Variants in ZFHX3 observed in about 807,000 individuals in gnomAD.
ZFHX3 encodes zinc finger homeobox 3, also known as zinc finger homeobox protein 3.
ZFHX3 carries 42 observed loss-of-function variants against 279.1 expected under a neutral mutation model. The ratio of observed to expected loss-of-function variants is 0.15; its 90% CI spans 0.12 to 0.19. The LOEUF (loss-of-function observed/expected upper bound fraction) is 0.19, where lower values mean the gene tolerates loss of function less well. Among genes scored for constraint, ZFHX3 ranks in the 10% least tolerant of loss-of-function variants. The pLI, the probability that ZFHX3 is intolerant of heterozygous loss-of-function variation, is 1.00. For missense variants in ZFHX3, 4,981 were observed against 4,754.0 expected, an observed-to-expected ratio of 1.05 and a Z score of -1.40; for synonymous variants, 2,293 against 1,957.8, an observed-to-expected ratio of 1.17 and a Z score of -4.52.
chr16:73,054,401 C>G lies in ZFHX3; in HGVS notation c.-24+4129G>C, dbSNP rs370730584. Among the ~76,000 whole-genome samples the G allele has an allele frequency of 2.9e-3, 437 of 149,756 alleles. 3 individuals are homozygous for G. The highest frequency in any genetic ancestry group is 0.017 in the Middle Eastern group (5 of 292). Reference sequence around the variant, plus strand: ...CCCTACTTTCTGACGTGCAATCAACCCTCCATCCCGATACAGGAGGTCGGT... The same window carrying G: ...CCCTACTTTCTGACGTGCAATCAACGCTCCATCCCGATACAGGAGGTCGGT... On this transcript the variant is annotated intron_variant, in intron 1 of 8. Transcript: ENST00000397992.
chr16:72,788,978 C>T (rs2035586162), intron 9 of ZFHX3, 130 bp from the exon 10 acceptor site: 1 of 1,351,018 alleles, frequency 7.4e-7, no homozygotes, highest in South Asian at 1.8e-5. Flanking sequence ...TCAAAACGAA[C>T]ATTTCCAACA....
At chr16:73,387,151 G>T (rs569605140) in intron 3 of ZFHX3, 1 of 152,128 alleles carries the variant, frequency 6.6e-6, no homozygotes, top group South Asian at 2.1e-4. Context: ...CTGCTTCCAC[G>T]CTACACTAAA....
chr16:73,302,394 C>G (rs960113536), intron 4 of ZFHX3, among the ~76,000 whole-genome samples: 2 of 152,150 alleles, frequency 1.3e-5, no homozygotes, highest in East Asian at 3.9e-4. Flanking sequence ...TCTCAAATTG[C>G]CCCCAGAGCC....
intron 3 of ZFHX3, among the ~76,000 whole-genome samples, chr16:73,370,565 C>T (rs191525427): frequency 2.9e-4 from 44 of 152,264 alleles, no homozygotes; most frequent in African/African-American, 1.0e-3. Context: ...AGCCCGTGTG[C>T]TAACCCCATA....
At chr16:73,761,839 G>T (rs2053870922) in intron 1 of ZFHX3, among the ~76,000 whole-genome samples, 1 of 151,880 alleles carries the variant, frequency 6.6e-6, no homozygotes, top group Non-Finnish European at 1.5e-5. Context: ...AACTCAAGAT[G>T]GATTAAAGAC....
chr16:73,059,116 C>T (rs1288794340), exon 1 of ZFHX3: 1 of 151,616 alleles, frequency 6.6e-6, no homozygotes, highest in East Asian at 1.9e-4. Context: ...CTTCATTACC[C>T]AGGCACGACG....
chr16:73,518,601 T>A (rs8046139), intron 2 of ZFHX3, among the ~76,000 whole-genome samples: 3 of 152,060 alleles, frequency 2.0e-5, no homozygotes, highest in Admixed American at 2.0e-4. Flanking sequence ...ATTTAACCAC[T>A]ATGCAGACAC....
intron 1 of ZFHX3, among the ~76,000 whole-genome samples, chr16:72,998,743 G>T (rs1167705359): frequency 6.6e-6 from 1 of 152,314 alleles, no homozygotes; most frequent in South Asian, 2.1e-4. Flanking sequence ...AGACTTTACA[G>T]AACTTACCGC....
At chr16:73,496,599 C>T (rs1212543744) in intron 2 of ZFHX3, among the ~76,000 whole-genome samples, 2 of 152,168 alleles carry the variant, frequency 1.3e-5, no homozygotes, top group Non-Finnish European at 2.9e-5. Context: ...GGAAGGTTTG[C>T]TCTTCACCAA....
chr16:72,934,113 C>T (rs888513998), intron 3 of ZFHX3, among the ~76,000 whole-genome samples: 7 of 152,170 alleles, frequency 4.6e-5, no homozygotes, highest in Non-Finnish European at 8.8e-5. Context: ...CCACCACGCC[C>T]GGCCACAGCT....
chr16:73,207,019 AAAATAAAT>A (rs71156149), intron 5 of ZFHX3, among the ~76,000 whole-genome samples: 123,034 of 145,608 alleles, frequency 0.84, 52,290 homozygotes, highest in Middle Eastern at 0.94. Context: ...ATCCATCTCA[AAAATAAAT>A]AAATAAATAA....
chr16:72,945,638 A>G (rs1292863798), intron 3 of ZFHX3, among the ~76,000 whole-genome samples: 1 of 152,118 alleles, frequency 6.6e-6, no homozygotes, highest in East Asian at 1.9e-4. Flanking sequence ...AGGTAGGGAG[A>G]GAAGGTGGCA....
rs1241757313 is a variant in ZFHX3, at chr16:73,286,844, C to A, written c.-1193-29708G>T. 4.9e-5 allele frequency among the ~76,000 whole-genome samples: 3 copies of A among 61,846 alleles called. No homozygotes were observed. The South Asian group carries it at 1.8e-3, about 36-fold the overall frequency. 40.6% of individuals were successfully genotyped at this position (61,846 alleles called of 152,430 possible). The stretch of plus-strand genomic sequence containing the variant: ...GTGGGTCGGTGTGTGGCTGGTGAGT[C>A]GGTGTGTGGGTGTGTGGTTGTGTGG... On this transcript the variant is annotated intron_variant, in intron 4 of 17. Transcript: ENST00000641206.
At chr16:73,153,939 C>T (rs2144848771) in intron 5 of ZFHX3, among the ~76,000 whole-genome samples, 1 of 152,094 alleles carries the variant, frequency 6.6e-6, no homozygotes, top group African/African-American at 2.4e-5. Flanking sequence ...CTCTTGACCT[C>T]ATGATCCGCC....
intron 1 of ZFHX3, among the ~76,000 whole-genome samples, chr16:73,812,924 TTACC>T (rs1960463909): frequency 6.6e-6 from 1 of 152,174 alleles, no homozygotes; most frequent in African/African-American, 2.4e-5. Context: ...ATGATAATAC[TTACC>T]TACTTCTCAC....
At chr16:73,878,023 T>C (rs966312330) in intron 1 of ZFHX3, among the ~76,000 whole-genome samples, 1 of 152,050 alleles carries the variant, frequency 6.6e-6, no homozygotes, top group African/African-American at 2.4e-5. Flanking sequence ...ATCTTCTCCA[T>C]ACCATCATTT....
intron 4 of ZFHX3, among the ~76,000 whole-genome samples, chr16:73,272,412 T>A (rs955531090): frequency 6.6e-6 from 1 of 152,222 alleles, no homozygotes; most frequent in African/African-American, 2.4e-5. Flanking sequence ...TCTGTATTGG[T>A]TAAGTCAATA....
intron 5 of ZFHX3, among the ~76,000 whole-genome samples, chr16:73,221,743 A>G (rs925995054): frequency 3.9e-5 from 6 of 152,210 alleles, no homozygotes; most frequent in African/African-American, 1.4e-4. Context: ...TGTCCTAAAA[A>G]AGATCAAAGT....
chr16:73,244,283 C>G (rs1428688170), intron 5 of ZFHX3, among the ~76,000 whole-genome samples: 1 of 152,080 alleles, frequency 6.6e-6, no homozygotes, highest in Non-Finnish European at 1.5e-5. Flanking sequence ...AAGGATGACA[C>G]AGTAATCAAA....
Sources: allele counts gnomAD v4.1 joint callset (sites outside exome capture counted in the v4.1 genomes callset), GRCh38; gene constraint gnomAD v4.1.1; transcripts MANE v1.5; gene names NCBI Gene and HGNC (gene_info 2026-07-23, HGNC 2026-07-21).